The following KCNH5 variants were observed in gnomAD, a reference collection of about 807,000 sequenced individuals.
KCNH5 encodes voltage-gated delayed rectifier potassium channel KCNH5.
A neutral mutation model predicts 96.1 loss-of-function variants in KCNH5; 46 were observed. The observed-to-expected ratio is 0.48, with a 90% CI of 0.38 to 0.61. The LOEUF is 0.61. Among genes scored for constraint, KCNH5 ranks in the 20% least tolerant of loss-of-function variants. The pLI is 0.00. For synonymous variants in KCNH5, 439 were observed against 449.8 expected (o/e 0.98, Z 0.30); for missense variants, 907 against 1,225.8 (o/e 0.74, Z 3.88).
At chr14:62,910,563 C>G (rs1889129313) in intron 7 of KCNH5, among the ~76,000 whole-genome samples, 4 of 152,062 alleles carry the variant, frequency 2.6e-5, no homozygotes, top group Middle Eastern at 3.2e-3. Context: ...GCAGCAATAA[C>G]AAATTGAAAA....
At chr14:62,862,050 G>A (rs1430856428) in intron 7 of KCNH5, among the ~76,000 whole-genome samples, 1 of 151,998 alleles carries the variant, frequency 6.6e-6, no homozygotes, top group Non-Finnish European at 1.5e-5. Context: ...AGGAATCTTT[G>A]CTTTTCCGTG....
intron 7 of KCNH5, among the ~76,000 whole-genome samples, chr14:62,906,843 G>A (rs1889037704): frequency 6.6e-6 from 1 of 151,992 alleles, no homozygotes; most frequent in Non-Finnish European, 1.5e-5. Flanking sequence ...TCTGTAAAGA[G>A]AGTTTACTGT....
intron 7 of KCNH5, among the ~76,000 whole-genome samples, chr14:62,938,461 C>T (rs1490345421): frequency 6.6e-6 from 1 of 152,168 alleles, no homozygotes; most frequent in Admixed American, 6.5e-5. Flanking sequence ...CAAATAAAAT[C>T]CCCTCTCTGG....
chr14:62,778,967 G>A (rs945906959), intron 10 of KCNH5, among the ~76,000 whole-genome samples: 6 of 152,184 alleles, frequency 3.9e-5, no homozygotes, highest in African/African-American at 1.4e-4. Context: ...ATTTAAGCAG[G>A]TTATAGAAAG....
intron 8 of KCNH5, among the ~76,000 whole-genome samples, chr14:62,826,054 G>A (rs58744703): frequency 0.031 from 4,746 of 152,090 alleles, 256 homozygotes; most frequent in African/African-American, 0.11. Flanking sequence ...TAATGTTTAA[G>A]TTACCTACAT....
chr14:62,855,688 A>G (rs1887913562), intron 7 of KCNH5, among the ~76,000 whole-genome samples: 1 of 152,174 alleles, frequency 6.6e-6, no homozygotes, highest in South Asian at 2.1e-4. Flanking sequence ...CTGAAGAACA[A>G]TTTTTAATAT....
At chr14:62,928,583 G>A (rs1017904596) in intron 7 of KCNH5, among the ~76,000 whole-genome samples, 3 of 152,066 alleles carry the variant, frequency 2.0e-5, no homozygotes, top group African/African-American at 7.2e-5. Flanking sequence ...AGGTTTAGGG[G>A]TTTGTAAGAG....
intron 1 of KCNH5, among the ~76,000 whole-genome samples, chr14:63,017,356 A>C (rs2139608175): frequency 6.6e-6 from 1 of 152,058 alleles, no homozygotes; most frequent in South Asian, 2.1e-4. Flanking sequence ...TTGATAATAA[A>C]AGAAAATTGG....
At chr14:62,885,607 C>T (rs1193883626) in intron 7 of KCNH5, among the ~76,000 whole-genome samples, 3 of 152,174 alleles carry the variant, frequency 2.0e-5, no homozygotes, top group Non-Finnish European at 4.4e-5. Context: ...TTTCTAAACA[C>T]CTCCTATGTG....
chr14:62,727,658 T>C (rs1478119170), intron 10 of KCNH5, among the ~76,000 whole-genome samples: 3 of 151,910 alleles, frequency 2.0e-5, no homozygotes, highest in African/African-American at 4.8e-5. Context: ...CATGTAACTA[T>C]ATTAATTCAG....
intron 7 of KCNH5, among the ~76,000 whole-genome samples, chr14:62,866,734 G>C (rs1256507907): frequency 6.6e-6 from 1 of 152,090 alleles, no homozygotes; most frequent in African/African-American, 2.4e-5. Flanking sequence ...GTGCTTTCAA[G>C]TTCCCATTTA....
chr14:62,800,155 GA>G (rs1206303420), intron 9 of KCNH5, among the ~76,000 whole-genome samples: 1 of 151,314 alleles, frequency 6.6e-6, no homozygotes, highest in Non-Finnish European at 1.5e-5. Flanking sequence ...AGAGCCTATA[GA>G]AAAAAAAGAA....
intron 7 of KCNH5, among the ~76,000 whole-genome samples, chr14:62,943,787 G>A (rs1889834708): frequency 6.6e-6 from 1 of 152,112 alleles, no homozygotes; most frequent in Non-Finnish European, 1.5e-5. Flanking sequence ...ACTCAAGGCA[G>A]ACAGAGTATG....
At chr14:62,981,298 G>A (rs762213586) in intron 5 of KCNH5, 34 bp from the exon 6 acceptor site, 1 of 1,594,290 alleles carries the variant, frequency 6.3e-7, no homozygotes, top group East Asian at 2.2e-5. Context: ...TACATGACTA[G>A]GTTATCTCTG....
intron 1 of KCNH5, among the ~76,000 whole-genome samples, chr14:63,023,486 A>G (rs1057217703): frequency 1.3e-5 from 2 of 152,226 alleles, no homozygotes; most frequent in Admixed American, 6.5e-5. Flanking sequence ...TATAAATCAC[A>G]TATTCCTCAG....
At chr14:62,853,771 AG>A (rs1398405942) in intron 7 of KCNH5, among the ~76,000 whole-genome samples, 1 of 151,580 alleles carries the variant, frequency 6.6e-6, no homozygotes, top group Admixed American at 6.6e-5. Context: ...GCATTTTGGG[AG>A]GCCAAGGCAG....
chr14:62,949,250 T>C (rs1325473161), intron 7 of KCNH5, among the ~76,000 whole-genome samples: 1 of 152,214 alleles, frequency 6.6e-6, no homozygotes, highest in Non-Finnish European at 1.5e-5. Context: ...TGATTGTATA[T>C]CTAGAAAACC....
chr14:62,900,155 G>GT (rs1477516888), intron 7 of KCNH5, among the ~76,000 whole-genome samples: 5 of 152,156 alleles, frequency 3.3e-5, no homozygotes, highest in Non-Finnish European at 7.3e-5. Flanking sequence ...CATATTTCTA[G>GT]TAAGATCAAT....
At chr14:62,751,698 G>C (rs187649960) in intron 10 of KCNH5, among the ~76,000 whole-genome samples, 1 of 152,332 alleles carries the variant, frequency 6.6e-6, no homozygotes, top group Non-Finnish European at 1.5e-5. Context: ...GCCCCATGTG[G>C]GGGATGAGCT....
Sources: allele counts gnomAD v4.1 joint callset (sites outside exome capture counted in the v4.1 genomes callset), GRCh38; gene constraint gnomAD v4.1.1; transcripts MANE v1.5; gene names NCBI Gene and HGNC (gene_info 2026-07-23, HGNC 2026-07-21).